Variants in APBB2 observed in about 807,000 individuals in gnomAD.
APBB2 encodes amyloid beta precursor protein binding family B member 2, also known as Fe65-like 1.
A neutral mutation model predicts 82.5 loss-of-function variants in APBB2; 38 were observed. The observed-to-expected ratio is 0.46, with a 90% CI of 0.36 to 0.60. APBB2 has a LOEUF of 0.60. Among genes scored for constraint, APBB2 ranks in the 20% least tolerant of loss-of-function variants. The pLI, the probability that APBB2 is intolerant of heterozygous loss-of-function variation, is 0.00. For missense variants in APBB2, 772 were observed against 972.3 expected, an observed-to-expected ratio of 0.79 and a Z score of 2.74; for synonymous variants, 341 against 368.2, an observed-to-expected ratio of 0.93 and a Z score of 0.85.
At chr4:41,166,354 T>C (rs1766594540) in intron 1 of APBB2, among the ~76,000 whole-genome samples, 1 of 150,048 alleles carries the variant, frequency 6.7e-6, no homozygotes, top group Admixed American at 6.6e-5. Context: ...CAGAGCTGTA[T>C]TCTATGGGCA....
In APBB2 at chr4:41,117,089, T is replaced by G. The variant is rs10016750; in HGVS notation, c.-260-16339A>C. 9.6e-3 allele frequency among the ~76,000 whole-genome samples: 1,462 copies of G among 152,128 alleles called. 23 individuals carry two copies. Among genetic ancestry groups the G allele is most frequent in the African/African-American group, 0.032 (1,314 of 41,488 alleles). On this transcript the variant is annotated intron_variant, in intron 2 of 17. Transcript: ENST00000508593. ...CTTTCCTAACCCCCCATCCCAACTT[T>G]AGGCGATCCCCTCTTTTCTGACTCT...
At chr4:41,142,264 A>G (rs1391665855) in intron 2 of APBB2, among the ~76,000 whole-genome samples, 3 of 152,186 alleles carry the variant, frequency 2.0e-5, no homozygotes, top group Admixed American at 1.3e-4. Context: ...TGTATAATAT[A>G]TGTTTTCAAA....
chr4:41,141,324 GTGTGTGTCTGTGTGTGTGTGTGTC>G lies in APBB2; in HGVS notation c.-261+1639_-261+1662del, dbSNP rs1288793154. ...AAAATATGTGTGTGTCTGTGTGTGTGTGTGTGTCTGTGTGTGTGTGTGTCTGTGTGTCTGTGTGCACACGCGCAT... is the reference window on the plus strand; with the variant it reads ...AAAATATGTGTGTGTCTGTGTGTGTGTGTGTGTCTGTGTGCACACGCGCAT... On this transcript the variant is annotated intron_variant, in intron 2 of 17. Transcript: ENST00000508593. Among the ~76,000 whole-genome samples, 289 of 107,930 alleles carry G rather than the reference GTGTGTGTCTGTGTGTGTGTGTGTC, an allele frequency of 2.7e-3. 2 individuals are homozygous for G. The highest frequency in any genetic ancestry group is 8.5e-3 in the African/African-American group (271 of 31,798). 70.8% of individuals were successfully genotyped at this position (107,930 alleles called of 152,430 possible).
intron 1 of APBB2, among the ~76,000 whole-genome samples, chr4:41,167,429 G>A (rs939888586): frequency 1.3e-5 from 2 of 152,192 alleles, no homozygotes; most frequent in African/African-American, 4.8e-5. Context: ...CAACCCCCAA[G>A]AGTGAATGAT....
At chr4:40,992,131 G>A (rs760046789) in intron 6 of APBB2, among the ~76,000 whole-genome samples, 6 of 151,816 alleles carry the variant, frequency 4.0e-5, no homozygotes, top group South Asian at 4.2e-4. Flanking sequence ...TGAAAATGAC[G>A]ATGCTTTACC....
intron 12 of APBB2, among the ~76,000 whole-genome samples, chr4:40,840,351 G>A (rs1000292534): frequency 3.3e-5 from 5 of 152,186 alleles, no homozygotes; most frequent in Non-Finnish European, 7.3e-5. Flanking sequence ...AAGACTGGAT[G>A]CTTTTATTTT....
intron 12 of APBB2, among the ~76,000 whole-genome samples, chr4:40,882,885 C>T (rs1769062221): frequency 6.6e-6 from 1 of 152,232 alleles, no homozygotes; most frequent in Admixed American, 6.5e-5. Context: ...TGGCAAATGT[C>T]TGTGCAACTA....
Position 40,815,946 on chromosome 4 carries a change from T to C in APBB2, c.*146A>G. 1.1e-6 allele frequency: 1 copy of C among 874,880 alleles called. No individual in the cohort carries two copies. Among genetic ancestry groups the C allele is most frequent in the Non-Finnish European group, 1.8e-6 (1 of 560,946 alleles). 54.2% of individuals were successfully genotyped at this position (874,880 alleles called of 1,614,324 possible). A position where few individuals can be genotyped will look rare whatever the true frequency, so the allele number is the denominator to read the frequency against. ...ATGATGGTGGCAAGACGAGAGAACATGCTTGTCTAACACTGCTTGGTTAAG... is the reference window on the plus strand; with the variant it reads ...ATGATGGTGGCAAGACGAGAGAACACGCTTGTCTAACACTGCTTGGTTAAG... On this transcript the variant is annotated 3_prime_UTR_variant, in exon 18 of 18. Coordinates refer to ENST00000508593, the MANE Select transcript of APBB2 (RefSeq NM_004307.2).
intron 10 of APBB2, among the ~76,000 whole-genome samples, chr4:40,922,729 G>C (rs937741933): frequency 1.3e-5 from 2 of 151,916 alleles, no homozygotes; most frequent in African/African-American, 4.8e-5. Context: ...TCCCACGTCA[G>C]CCTCCTGAGT....
chr4:40,873,223 T>C (rs1341371316), intron 12 of APBB2, among the ~76,000 whole-genome samples: 2 of 152,192 alleles, frequency 1.3e-5, no homozygotes, highest in African/African-American at 4.8e-5. Context: ...GACAATGTTA[T>C]GATTAGAAGT....
At chr4:40,831,554 C>T (rs908000489) in intron 12 of APBB2, among the ~76,000 whole-genome samples, 4 of 152,086 alleles carry the variant, frequency 2.6e-5, no homozygotes, top group African/African-American at 9.7e-5. Flanking sequence ...GCTTGAGGAG[C>T]GCATGAATCG....
intron 1 of APBB2, among the ~76,000 whole-genome samples, chr4:41,172,221 C>A (rs1157094922): frequency 6.6e-6 from 1 of 151,820 alleles, no homozygotes; most frequent in Non-Finnish European, 1.5e-5. Flanking sequence ...TCATCCAGCA[C>A]CCCCCGCCCC....
rs1454356563 is a variant in APBB2, at chr4:40,982,213, A to G, written c.835+31370T>C. On this transcript the variant is annotated intron_variant, in intron 6 of 17. Transcript: ENST00000508593. Reference sequence around the variant, plus strand: ...AAAAAAGGAAAGAAAGAAAAGAAAGAAAAGAAAGGAAAGAAAGAAAGAAAG... The same window carrying G: ...AAAAAAGGAAAGAAAGAAAAGAAAGGAAAGAAAGGAAAGAAAGAAAGAAAG... 1.3e-4 allele frequency among the ~76,000 whole-genome samples: 4 copies of G among 29,666 alleles called. No individual in the cohort carries two copies. In the Admixed American group the frequency reaches 1.8e-3, roughly 14 times the overall value. The allele number at this position is 29,666 out of a possible 152,430, so 19.5% of individuals were successfully genotyped here. A position where few individuals can be genotyped will look rare whatever the true frequency, so the allele number is the denominator to read the frequency against.
At chr4:40,996,965 C>T (rs1046304495) in intron 6 of APBB2, among the ~76,000 whole-genome samples, 4 of 152,066 alleles carry the variant, frequency 2.6e-5, no homozygotes, top group African/African-American at 9.7e-5. Flanking sequence ...GTTCCTTTTT[C>T]AGGAACTCAA....
At position 41,143,080 on chromosome 4, in the gene APBB2, G is replaced by C. The variant is rs1326641900; in HGVS notation, c.-354C>G. On this transcript the variant is annotated 5_prime_UTR_variant, in exon 2 of 18. Transcript: ENST00000508593. ...AGCAAATGTTTCTGTTCCACGGCTG[G>C]GCAGATCCGACCACAGCATGCTTGG... 1 of 152,090 alleles carries C rather than the reference G, an allele frequency of 6.6e-6. No homozygotes were observed. Among genetic ancestry groups the C allele is most frequent in the Non-Finnish European group, 1.5e-5 (1 of 68,038 alleles). 9.4% of individuals were successfully genotyped at this position (152,090 alleles called of 1,614,324 possible).
intron 6 of APBB2, among the ~76,000 whole-genome samples, chr4:41,009,812 T>C (rs1807808162): frequency 6.6e-6 from 1 of 152,260 alleles, no homozygotes; most frequent in African/African-American, 2.4e-5. Flanking sequence ...TTGGTATTTG[T>C]GTTTATTTTA....
At chr4:40,838,165 T>TTA (rs1421812128) in intron 12 of APBB2, among the ~76,000 whole-genome samples, 2 of 147,136 alleles carry the variant, frequency 1.4e-5, no homozygotes, top group African/African-American at 5.1e-5. Context: ...ATTATTATTA[T>TTA]TATTATTATT....
chr4:40,916,352 C>T (rs1193797456), intron 10 of APBB2, among the ~76,000 whole-genome samples: 26 of 152,158 alleles, frequency 1.7e-4, no homozygotes. Flanking sequence ...GAAGTGCTCC[C>T]TTGTGGCTTC....
At chr4:40,855,191 C>G (rs6815846) in intron 12 of APBB2, among the ~76,000 whole-genome samples, 28,933 of 152,174 alleles carry the variant, frequency 0.19, 2,887 homozygotes, top group South Asian at 0.23. Context: ...GTCATCCACA[C>G]TGCTTCCCAG....
Sources: allele counts gnomAD v4.1 joint callset (sites outside exome capture counted in the v4.1 genomes callset), GRCh38; gene constraint gnomAD v4.1.1; transcripts MANE v1.5; gene names NCBI Gene and HGNC (gene_info 2026-07-23, HGNC 2026-07-21).